Variants in ARHGEF4 observed in about 807,000 individuals in gnomAD.
The protein encoded by ARHGEF4 is APC-stimulated guanine nucleotide exchange factor 1.
ARHGEF4 carries 119 observed loss-of-function variants against 162.0 expected under a neutral mutation model. The observed-to-expected ratio is 0.73, with a 90% CI of 0.63 to 0.86. The LOEUF (loss-of-function observed/expected upper bound fraction) is 0.86. Among genes scored for constraint, ARHGEF4 ranks in the 40% least tolerant of loss-of-function variants. The pLI is 0.00. For missense variants in ARHGEF4, 2,488 were observed against 2,456.0 expected (o/e 1.01, Z -0.28); for synonymous variants, 1,014 against 979.9 (o/e 1.03, Z -0.65).
intron 4 of ARHGEF4, among the ~76,000 whole-genome samples, chr2:130,960,119 C>T (rs941014513): frequency 2.6e-5 from 4 of 152,034 alleles, no homozygotes; most frequent in Non-Finnish European, 1.5e-5. Flanking sequence ...TTACAGATTG[C>T]ATATACAATG....
At chr2:131,011,529 G>A (rs992867349) in intron 4 of ARHGEF4, among the ~76,000 whole-genome samples, 10 of 152,160 alleles carry the variant, frequency 6.6e-5, no homozygotes, top group Non-Finnish European at 1.0e-4. Context: ...TTAAGCTCCC[G>A]TGAATATCAG....
At chr2:130,919,911 T>C (rs915758731) in intron 2 of ARHGEF4, among the ~76,000 whole-genome samples, 2 of 152,188 alleles carry the variant, frequency 1.3e-5, no homozygotes, top group Middle Eastern at 3.4e-3. Context: ...TATCTGTCTC[T>C]ATGTGTCTGT....
rs563462004 is a variant in ARHGEF4 at position 130,893,029 on chromosome 2, C to T, written c.40-20957C>T. 8.5e-4 allele frequency among the ~76,000 whole-genome samples: 130 copies of T among 152,352 alleles called. 1 individual carries two copies. Among genetic ancestry groups the T allele is most frequent in the African/African-American group, 2.9e-3 (122 of 41,588 alleles). On this transcript the variant is annotated intron_variant, in intron 1 of 13. Coordinates refer to ENST00000409359, the MANE Select transcript of ARHGEF4 (RefSeq NM_001367493.1). ...AGTGGCTTGCAGGTTGAGGCCAGAC[C>T]GCTGAGTGTGGCGTGCAAAGCCCCT...
chr2:131,001,635 A>G (rs1558834467), intron 4 of ARHGEF4, among the ~76,000 whole-genome samples: 1 of 152,168 alleles, frequency 6.6e-6, no homozygotes. Context: ...AAAGTCGAAC[A>G]TGATTCTCTA....
intron 1 of ARHGEF4, among the ~76,000 whole-genome samples, chr2:130,893,365 C>T (rs1679972588): frequency 6.6e-6 from 1 of 152,166 alleles, no homozygotes; most frequent in African/African-American, 2.4e-5. Context: ...CTTTTTTCTC[C>T]ATATCCTCAT....
chr2:130,868,828 C>T (rs989630697), intron 1 of ARHGEF4, among the ~76,000 whole-genome samples: 16 of 152,186 alleles, frequency 1.1e-4, no homozygotes, highest in Non-Finnish European at 1.6e-4. Context: ...TGGGCTGGTT[C>T]GTTCTGGAAG....
intron 2 of ARHGEF4, among the ~76,000 whole-genome samples, chr2:130,919,478 A>T (rs557365602): frequency 1.3e-5 from 2 of 152,312 alleles, no homozygotes; most frequent in Non-Finnish European, 2.9e-5. Flanking sequence ...ATACATAGAG[A>T]ACTTGATTTA....
At chr2:130,882,780 T>C (rs575661828) in intron 1 of ARHGEF4, among the ~76,000 whole-genome samples, 1 of 152,006 alleles carries the variant, frequency 6.6e-6, no homozygotes, top group African/African-American at 2.4e-5. Flanking sequence ...ATGAAATGTC[T>C]GTGGGTGCAG....
Position 130,916,851 on chromosome 2 carries a change from C to T in ARHGEF4, c.2905C>T (p.Leu969=). The change falls in exon 2 of 14, where the codon CTA becomes TTA. Residue 969 remains leucine (L), a synonymous_variant. Coordinates refer to ENST00000409359, the MANE Select transcript of ARHGEF4 (RefSeq NM_001367493.1). ...KDAGSPKKPT[L]VSLPLGPEVL... ...TGCCGGAAGCCCCAAAAAGCCCACC[C>T]TAGTGAGTCTGCCTCTAGGACCCGA... The T allele has an allele frequency of 6.5e-7, 1 of 1,550,352 alleles. No homozygotes were observed.
intron 1 of ARHGEF4, among the ~76,000 whole-genome samples, chr2:130,879,465 C>T (rs573348027): frequency 2.0e-4 from 30 of 152,206 alleles, no homozygotes; most frequent in African/African-American, 6.7e-4. Flanking sequence ...AAAATCTACC[C>T]TTTTAGTAAT....
At chr2:131,040,558 T>A in intron 8 of ARHGEF4, 118 bp downstream of exon 8, 1 of 1,185,608 alleles carries the variant, frequency 8.4e-7, no homozygotes, top group African/African-American at 1.5e-5. Flanking sequence ...GGGCCCCAGC[T>A]CCAGCCCTCT....
intron 4 of ARHGEF4, among the ~76,000 whole-genome samples, chr2:130,996,739 G>A (rs1687416007): frequency 6.6e-6 from 1 of 152,112 alleles, no homozygotes; most frequent in Non-Finnish European, 1.5e-5. Flanking sequence ...TTCAGAGTGT[G>A]CGCACCAGTA....
At chr2:130,837,669 C>T (rs945192233) in intron 1 of ARHGEF4, 4 of 441,556 alleles carry the variant, frequency 9.1e-6, no homozygotes, top group East Asian at 7.9e-5. Context: ...TCAGGGGTGG[C>T]CGGCCACAGG....
chr2:130,979,712 G>A (rs928041530), intron 4 of ARHGEF4, among the ~76,000 whole-genome samples: 6 of 136,650 alleles, frequency 4.4e-5, no homozygotes, highest in African/African-American at 7.9e-5. Context: ...TTCCAGCCTC[G>A]GTGACAAAGC....
intron 1 of ARHGEF4, among the ~76,000 whole-genome samples, chr2:130,912,811 C>CATTCAATA (rs1246034619): frequency 1.1e-4 from 17 of 152,304 alleles, no homozygotes; most frequent in African/African-American, 3.9e-4. Flanking sequence ...CCCAAAAGAA[C>CATTCAATA]ATTCAATAGT....
rs1265617792 is a variant in ARHGEF4, at chr2:130,973,210, C to T, written c.3985+26575C>T. 3.3e-5 allele frequency among the ~76,000 whole-genome samples: 5 copies of T among 152,134 alleles called. No individual in the cohort carries two copies. The East Asian group carries it at 9.6e-4, about 29-fold the overall frequency. On this transcript the variant is annotated intron_variant, in intron 4 of 13. Transcript: ENST00000409359. ...TTAACATTTAAAAAATAAATGAGGC[C>T]GAATGAGGTGGCTCATGCCTGTAAT... is the stretch of plus-strand genomic sequence containing the variant.
chr2:130,864,012 G>A (rs1434284168), intron 1 of ARHGEF4, among the ~76,000 whole-genome samples: 2 of 140,830 alleles, frequency 1.4e-5, no homozygotes, highest in Non-Finnish European at 3.1e-5. Context: ...GTGAAACCCC[G>A]TCTCTACTAA....
chr2:130,933,635 C>G (rs1682771922), intron 3 of ARHGEF4, among the ~76,000 whole-genome samples: 1 of 152,130 alleles, frequency 6.6e-6, no homozygotes, highest in Admixed American at 6.6e-5. Context: ...TGTAAAAAGT[C>G]TTGCACATCC....
intron 1 of ARHGEF4, among the ~76,000 whole-genome samples, chr2:130,911,464 A>G (rs186305080): frequency 6.6e-6 from 1 of 152,318 alleles, no homozygotes; most frequent in East Asian, 1.9e-4. Flanking sequence ...CTGGACTTAC[A>G]TCACTTTATG....
Sources: gnomAD v4.1 joint callset for allele counts (sites outside exome capture counted in the v4.1 genomes callset) on GRCh38, gnomAD v4.1.1 for gene constraint, MANE v1.5 for transcripts, NCBI Gene and HGNC (gene_info 2026-07-23, HGNC 2026-07-21) for gene names.